FAM174A: variants seen among roughly 807,000 people sequenced by gnomAD.
The protein encoded by FAM174A is membrane protein FAM174A.
In FAM174A, 14 loss-of-function variants were observed where a neutral mutation model predicts 14.3. The ratio of observed to expected loss-of-function variants is 0.98; its 90% CI spans 0.65 to 1.53. The LOEUF (loss-of-function observed/expected upper bound fraction) is 1.53, where lower values mean the gene tolerates loss of function less well. Among genes scored for constraint, FAM174A ranks in the 40% most tolerant of loss-of-function variants. FAM174A has a pLI of 0.00. For missense variants in FAM174A, 241 were observed against 249.6 expected (o/e 0.97, Z 0.23); for synonymous variants, 108 against 111.4 (o/e 0.97, Z 0.19).
intron 2 of FAM174A, among the ~76,000 whole-genome samples, chr5:100,585,869 A>G (rs1395378338): frequency 6.6e-6 from 1 of 152,242 alleles, no homozygotes; most frequent in Admixed American, 6.5e-5. Context: ...ACTGTATTGT[A>G]TACTCAAGTC....
Position 100,586,195 on chromosome 5 carries a change from T to G in FAM174A, c.*11T>G. 7.1e-7 allele frequency: 1 copy of G among 1,417,384 alleles called. No individual in the cohort carries two copies. The allele number at this position is 1,417,384 out of a possible 1,614,324, so 87.8% of individuals were successfully genotyped here. A position where few individuals can be genotyped will look rare whatever the true frequency, so the allele number is the denominator to read the frequency against. On this transcript the variant is annotated 3_prime_UTR_variant, in exon 3 of 3. Transcript: ENST00000312637. ...TTTTCTTGCAGATAAGAATGTGCCT[T>G]TTGATGAAAGAACTTTATCTTTCTA...
At chr5:100,579,598 T>C (rs963754810) in intron 2 of FAM174A, among the ~76,000 whole-genome samples, 3 of 152,144 alleles carry the variant, frequency 2.0e-5, no homozygotes, top group Admixed American at 2.0e-4. Flanking sequence ...CTAATTTTTG[T>C]ATTTTTTAGT....
At chr5:100,548,763 T>G (rs1746208771) in intron 1 of FAM174A, among the ~76,000 whole-genome samples, 2 of 152,172 alleles carry the variant, frequency 1.3e-5, no homozygotes, top group South Asian at 4.1e-4. Context: ...GCCTGGCATA[T>G]GTGCATGCGC....
Position 100,586,400 on chromosome 5 carries a change from G to A in FAM174A, c.*216G>A. The A allele has an allele frequency of 9.8e-6, 3 of 306,702 alleles. No individual in the cohort carries two copies. The highest frequency in any genetic ancestry group is 1.8e-5 in the Non-Finnish European group (3 of 164,156). The allele number at this position is 306,702 out of a possible 1,614,324, so 19.0% of individuals were successfully genotyped here. A position where few individuals can be genotyped will look rare whatever the true frequency, so the allele number is the denominator to read the frequency against. Reference sequence around the variant, plus strand: ...CTGTTAATGGGCTCAGAGATGTTGGGGATAAAGTATACTGTAATAATTTAT... The same window carrying A: ...CTGTTAATGGGCTCAGAGATGTTGGAGATAAAGTATACTGTAATAATTTAT... On this transcript the variant is annotated 3_prime_UTR_variant, in exon 3 of 3. Coordinates refer to ENST00000312637, the MANE Select transcript of FAM174A (RefSeq NM_198507.3).
chr5:100,577,170 A>G (rs537701219), intron 2 of FAM174A, among the ~76,000 whole-genome samples: 1 of 152,294 alleles, frequency 6.6e-6, no homozygotes, highest in South Asian at 2.1e-4. Context: ...TATCACAAGT[A>G]CCTTATAAAT....
intron 2 of FAM174A, among the ~76,000 whole-genome samples, chr5:100,563,541 T>C (rs1023738807): frequency 1.3e-5 from 2 of 151,790 alleles, no homozygotes; most frequent in African/African-American, 4.8e-5. Flanking sequence ...CATAAAATAA[T>C]TTATGGGACT....
chr5:100,574,926 A>C (rs923917411), intron 2 of FAM174A, among the ~76,000 whole-genome samples: 1 of 152,200 alleles, frequency 6.6e-6, no homozygotes, highest in Admixed American at 6.6e-5. Flanking sequence ...TTAGGATCCA[A>C]ATTCACTATG....
At chr5:100,562,944 T>G (rs1746558332) in intron 2 of FAM174A, among the ~76,000 whole-genome samples, 2 of 151,808 alleles carry the variant, frequency 1.3e-5, no homozygotes, top group Admixed American at 1.3e-4. Context: ...GAGGGATTAC[T>G]TGGGTGAAGG....
intron 1 of FAM174A, among the ~76,000 whole-genome samples, chr5:100,538,445 C>G (rs1474523550): frequency 1.3e-5 from 2 of 152,030 alleles, no homozygotes; most frequent in African/African-American, 4.8e-5. Flanking sequence ...GTAATAATAA[C>G]TTCCTTTTTG....
At chr5:100,536,110 G>C in intron 1 of FAM174A, 146 bp downstream of exon 1, 2 of 720,248 alleles carry the variant, frequency 2.8e-6, no homozygotes, top group Non-Finnish European at 4.3e-6. Context: ...TTTCTTAAAG[G>C]CCTGTTACCT....
chr5:100,559,507 C>G (rs368769516), intron 1 of FAM174A, among the ~76,000 whole-genome samples: 16 of 150,740 alleles, frequency 1.1e-4, no homozygotes, highest in African/African-American at 3.4e-4. Context: ...CTTCCCTATC[C>G]AGGGAAGTTC....
intron 1 of FAM174A, among the ~76,000 whole-genome samples, chr5:100,543,468 T>C (rs1746103882): frequency 6.6e-6 from 1 of 152,190 alleles, no homozygotes. Context: ...GTGGCAACTG[T>C]ATTGGACAGA....
chr5:100,574,726 G>A (rs191454187), intron 2 of FAM174A, among the ~76,000 whole-genome samples: 19 of 152,124 alleles, frequency 1.2e-4, no homozygotes, highest in African/African-American at 2.9e-4. Context: ...AGGAGGGGGC[G>A]GGGATAATAT....
intron 1 of FAM174A, among the ~76,000 whole-genome samples, chr5:100,551,622 T>C (rs1367482143): frequency 6.6e-6 from 1 of 152,188 alleles, no homozygotes; most frequent in East Asian, 1.9e-4. Flanking sequence ...TATTCTATAT[T>C]AATTTGTTAG....
intron 1 of FAM174A, among the ~76,000 whole-genome samples, chr5:100,549,501 A>G (rs1031612835): frequency 1.3e-5 from 2 of 152,152 alleles, no homozygotes; most frequent in East Asian, 3.9e-4. Context: ...AAACATAATC[A>G]CAGGAAGTGA....
At position 100,586,185 on chromosome 5, in the gene FAM174A, G is replaced by T. The variant is rs1336544877; in HGVS notation, c.*1G>T. 1 of 1,411,172 alleles carries T rather than the reference G, an allele frequency of 7.1e-7. No individual in the cohort carries two copies. The highest frequency in any genetic ancestry group is 1.3e-5 in the South Asian group (1 of 76,216). 87.4% of individuals were successfully genotyped at this position (1,411,172 alleles called of 1,614,324 possible). On this transcript the variant is annotated 3_prime_UTR_variant, in exon 3 of 3. Coordinates refer to ENST00000312637, the MANE Select transcript of FAM174A (RefSeq NM_198507.3). Reference sequence around the variant, plus strand: ...ATTTTTTTCTTTTTCTTGCAGATAAGAATGTGCCTTTTGATGAAAGAACTT... The same window carrying T: ...ATTTTTTTCTTTTTCTTGCAGATAATAATGTGCCTTTTGATGAAAGAACTT...
At chr5:100,582,564 A>C (rs1297249571) in intron 2 of FAM174A, among the ~76,000 whole-genome samples, 1 of 152,068 alleles carries the variant, frequency 6.6e-6, no homozygotes, top group East Asian at 1.9e-4. Context: ...ATTTAAATTA[A>C]GTAGTAGTAA....
Position 100,586,723 on chromosome 5 carries a change from G to T in FAM174A, c.*539G>T, listed in dbSNP as rs1306683473. 6.6e-6 allele frequency: 1 copy of T among 152,048 alleles called. No individual in the cohort carries two copies. Among genetic ancestry groups the T allele is most frequent in the Non-Finnish European group, 1.5e-5 (1 of 67,984 alleles). 9.4% of individuals were successfully genotyped at this position (152,048 alleles called of 1,614,324 possible). On this transcript the variant is annotated 3_prime_UTR_variant, in exon 3 of 3. Coordinates refer to ENST00000312637, the MANE Select transcript of FAM174A (RefSeq NM_198507.3). ...TTATTGTTTGCAAAACAATAAATAT[G>T]ATTTTAAATTCTCTTAAAGTGGTCC... is the stretch of plus-strand genomic sequence containing the variant.
In FAM174A at chr5:100,535,577, C is replaced by G. The variant is rs1368975760; in HGVS notation, c.47C>G (p.Ser16Cys). 1 of 1,613,152 alleles carries G rather than the reference C, an allele frequency of 6.2e-7. No individual in the cohort carries two copies. Among genetic ancestry groups the G allele is most frequent in the African/African-American group, 1.3e-5 (1 of 74,956 alleles). The change falls in exon 1 of 3, where the codon TCC becomes TGC. Residue 16 changes from serine to cysteine, a missense_variant. Physicochemically the swap from Ser to Cys is moderately radical, Grantham distance 112. Coordinates refer to ENST00000312637, the MANE Select transcript of FAM174A (RefSeq NM_198507.3). ...TGCTGTCTCAGCCACCTCTTGGCTT[C>G]CGTCCTCCTCCTGCTGTTGCTGCCT... is the stretch of plus-strand genomic sequence containing the variant. ...CCCCLSHLLASVLLLLLLPEL... is the reference protein window; with the variant it reads ...CCCCLSHLLACVLLLLLLPEL...
Sources: allele counts gnomAD v4.1 joint callset (sites outside exome capture counted in the v4.1 genomes callset), GRCh38; gene constraint gnomAD v4.1.1; transcripts MANE v1.5; gene names NCBI Gene and HGNC (gene_info 2026-07-23, HGNC 2026-07-21).